EYS: variants seen among roughly 807,000 people sequenced by gnomAD.
EYS encodes EGF-like photoreceptor maintenance factor.
A neutral mutation model predicts 282.1 loss-of-function variants in EYS; 250 were observed. That is an observed-to-expected ratio of 0.89 (90% CI 0.80 to 0.98). The LOEUF (loss-of-function observed/expected upper bound fraction) is 0.98. Among genes scored for constraint, EYS ranks in the 50% least tolerant of loss-of-function variants. The pLI is 0.00. For missense variants in EYS, 4,016 were observed against 3,709.0 expected, an observed-to-expected ratio of 1.08 and a Z score of -2.15; for synonymous variants, 1,355 against 1,282.9, an observed-to-expected ratio of 1.06 and a Z score of -1.20.
intron 29 of EYS, among the ~76,000 whole-genome samples, chr6:64,346,092 A>G (rs1454561973): frequency 6.6e-6 from 1 of 152,080 alleles, no homozygotes; most frequent in Non-Finnish European, 1.5e-5. Context: ...GAACACTTGT[A>G]CACTGTTGGT....
chr6:64,050,088 A>T (rs1770757468), intron 33 of EYS, among the ~76,000 whole-genome samples: 1 of 152,156 alleles, frequency 6.6e-6, no homozygotes, highest in South Asian at 2.1e-4. Flanking sequence ...ACACTTTTTA[A>T]AACATGTTAT....
At chr6:64,599,160 G>C (rs1293070850) in intron 24 of EYS, among the ~76,000 whole-genome samples, 1 of 152,134 alleles carries the variant, frequency 6.6e-6, no homozygotes, top group African/African-American at 2.4e-5. Context: ...GAAGCCATTG[G>C]AATATTTGAA....
intron 31 of EYS, among the ~76,000 whole-genome samples, chr6:64,211,586 T>C (rs1765773039): frequency 7.6e-6 from 1 of 132,368 alleles, no homozygotes; most frequent in South Asian, 2.4e-4. Context: ...TTTTTTCATA[T>C]ATTAATCTAA....
chr6:64,269,698 G>A (rs1033188157), intron 30 of EYS, among the ~76,000 whole-genome samples: 3 of 151,742 alleles, frequency 2.0e-5, no homozygotes, highest in Admixed American at 2.0e-4. Context: ...CTTAATTTTT[G>A]ACACTACTAT....
chr6:64,007,837 C>G (rs529161276), intron 33 of EYS, among the ~76,000 whole-genome samples: 7 of 152,142 alleles, frequency 4.6e-5, no homozygotes, highest in Admixed American at 3.3e-4. Context: ...TTTTATTGCA[C>G]TGTGGTCTAA....
chr6:64,841,376 A>C (rs1765558474), intron 19 of EYS, among the ~76,000 whole-genome samples: 1 of 152,166 alleles, frequency 6.6e-6, no homozygotes, highest in African/African-American at 2.4e-5. Flanking sequence ...ATTAATATGC[A>C]AGTGAAATTA....
chr6:64,815,170 G>T (rs986315823), intron 21 of EYS: 11 of 430,858 alleles, frequency 2.6e-5, no homozygotes, highest in African/African-American at 2.0e-4. Context: ...ACAAGTGATA[G>T]AACTAAGTAT....
chr6:63,914,374 C>A (rs1037426840), intron 35 of EYS, among the ~76,000 whole-genome samples: 2 of 152,120 alleles, frequency 1.3e-5, no homozygotes, highest in Non-Finnish European at 2.9e-5. Flanking sequence ...AGGAAAAATT[C>A]TTGAAGGGAA....
rs1279969396 is a variant in EYS at position 65,012,827 on chromosome 6, T to A, written c.2138-15124A>T. ...AAGTACAGCAAAAAAAAAAAAAAAA[T>A]GAAAAAAAACTACTTCACAAGAACA... On this transcript the variant is annotated intron_variant, in intron 13 of 42. Transcript: ENST00000503581. 1.5e-3 allele frequency among the ~76,000 whole-genome samples: 172 copies of A among 117,492 alleles called. 1 individual carries two copies. Among genetic ancestry groups the A allele is most frequent in the East Asian group, 0.013 (53 of 4,022 alleles). 77.1% of individuals were successfully genotyped at this position (117,492 alleles called of 152,430 possible). A position where few individuals can be genotyped will look rare whatever the true frequency, so the allele number is the denominator to read the frequency against.
intron 30 of EYS, among the ~76,000 whole-genome samples, chr6:64,288,962 C>T (rs1449136838): frequency 6.6e-6 from 1 of 152,050 alleles, no homozygotes; most frequent in Non-Finnish European, 1.5e-5. Flanking sequence ...AAAAAACCTC[C>T]TATCTGGTTT....
chr6:63,877,470 A>T (rs1023248525), intron 35 of EYS, among the ~76,000 whole-genome samples: 1 of 151,566 alleles, frequency 6.6e-6, no homozygotes, highest in Non-Finnish European at 1.5e-5. Flanking sequence ...CTTCTCAAGG[A>T]GTTTCTTTGT....
At chr6:63,955,496 C>G (rs1447724006) in intron 35 of EYS, among the ~76,000 whole-genome samples, 1 of 152,124 alleles carries the variant, frequency 6.6e-6, no homozygotes, top group Non-Finnish European at 1.5e-5. Flanking sequence ...ATGCCACCCT[C>G]TACCTCTCCC....
chr6:65,601,153 T>G (rs141013607), intron 2 of EYS, among the ~76,000 whole-genome samples: 195 of 152,130 alleles, frequency 1.3e-3, no homozygotes, highest in Middle Eastern at 6.8e-3. Context: ...TATTGTTTCA[T>G]GGAAGCAAGT....
At chr6:64,293,174 T>C (rs563322584) in intron 30 of EYS, among the ~76,000 whole-genome samples, 10 of 152,262 alleles carry the variant, frequency 6.6e-5, no homozygotes, top group African/African-American at 2.2e-4. Context: ...GAAATTATGA[T>C]TTCACAAAAC....
intron 14 of EYS, among the ~76,000 whole-genome samples, chr6:64,993,326 T>C (rs578125605): frequency 3.2e-4 from 48 of 152,010 alleles, no homozygotes; most frequent in Non-Finnish European, 6.0e-4. Context: ...TTTATAATCC[T>C]CTGGGTATAT....
chr6:64,183,620 G>C lies in EYS; in HGVS notation c.6424+46972C>G, dbSNP rs547430784. On this transcript the variant is annotated intron_variant, in intron 31 of 42. Coordinates refer to ENST00000503581, the MANE Select transcript of EYS (RefSeq NM_001142800.2). ...TTGTGAAACATGACTTATAAACTCAGATTATACAGGCTAGTATAATTTCTA... is the reference window on the plus strand; with the variant it reads ...TTGTGAAACATGACTTATAAACTCACATTATACAGGCTAGTATAATTTCTA... Among the ~76,000 whole-genome samples the C allele has an allele frequency of 3.9e-5, 6 of 152,204 alleles. 1 individual carries two copies. The highest frequency in any genetic ancestry group is 1.4e-4 in the African/African-American group (6 of 41,542).
intron 33 of EYS, among the ~76,000 whole-genome samples, chr6:64,053,857 A>G (rs1770894544): frequency 6.6e-6 from 1 of 152,056 alleles, no homozygotes; most frequent in Non-Finnish European, 1.5e-5. Context: ...CAATTTTCTA[A>G]TTTCTTGTAT....
At chr6:64,152,607 A>C (rs1774781376) in intron 31 of EYS, among the ~76,000 whole-genome samples, 1 of 152,114 alleles carries the variant, frequency 6.6e-6, no homozygotes, top group African/African-American at 2.4e-5. Flanking sequence ...AGGGTCAGGG[A>C]TATTATTTTG....
intron 5 of EYS, among the ~76,000 whole-genome samples, chr6:65,415,244 A>G (rs9453295): frequency 0.19 from 29,375 of 151,912 alleles, 2,997 homozygotes; most frequent in South Asian, 0.35. Context: ...TGGCAATTCA[A>G]AGGATGGTCC....
Sources: gnomAD v4.1 joint callset for allele counts (sites outside exome capture counted in the v4.1 genomes callset) on GRCh38, gnomAD v4.1.1 for gene constraint, MANE v1.5 for transcripts, NCBI Gene and HGNC (gene_info 2026-07-23, HGNC 2026-07-21) for gene names.